Variants in GNG4 observed in about 807,000 individuals in gnomAD.
GNG4 encodes G protein subunit gamma 4.
A neutral mutation model predicts 5.8 loss-of-function variants in GNG4; 4 were observed. The ratio of observed to expected loss-of-function variants is 0.69; its 90% CI spans 0.34 to 1.57. The LOEUF (loss-of-function observed/expected upper bound fraction) is 1.57, where lower values mean the gene tolerates loss of function less well. Among genes scored for constraint, GNG4 ranks in the 40% most tolerant of loss-of-function variants. GNG4 has a pLI of 0.06. For synonymous variants in GNG4, 29 were observed against 32.9 expected, an observed-to-expected ratio of 0.88 and a Z score of 0.41; for missense variants, 96 against 95.1, an observed-to-expected ratio of 1.01 and a Z score of -0.04.
rs976356709 is a variant in GNG4 at position 235,582,458 on chromosome 1, G to A, written c.99+1282C>T. On this transcript the variant is annotated intron_variant, in intron 3 of 3. Transcript: ENST00000391854. ...CTGAGAAGTCTTCCCTGAGCCATAC[G>A]GAGGAGACTGTCGCCTTCACATTTC... 2.6e-5 allele frequency among the ~76,000 whole-genome samples: 4 copies of A among 152,288 alleles called. No individual in the cohort carries two copies. In the South Asian group the frequency reaches 6.2e-4, roughly 24 times the overall value.
intron 1 of GNG4, among the ~76,000 whole-genome samples, chr1:235,643,733 C>G (rs1657420290): frequency 6.6e-6 from 1 of 152,252 alleles, no homozygotes; most frequent in Middle Eastern, 3.4e-3. Flanking sequence ...CTAAAAACAC[C>G]AGGAAGATCA....
chr1:235,593,540 C>T lies in GNG4; in HGVS notation c.-11+1860G>A, dbSNP rs143432915. On this transcript the variant is annotated intron_variant, in intron 2 of 3. Transcript: ENST00000391854. The stretch of plus-strand genomic sequence containing the variant: ...CAGCTGGGTCCGGAATTGGTGGGTT[C>T]TTGGTCTCACCAACTTCAAGAATGA... Among the ~76,000 whole-genome samples, 38 of 152,338 alleles carry T rather than the reference C, an allele frequency of 2.5e-4. No individual in the cohort carries two copies. In the East Asian group the frequency reaches 6.9e-3, roughly 28 times the overall value.
intron 1 of GNG4, among the ~76,000 whole-genome samples, chr1:235,646,201 A>G (rs1350875208): frequency 6.6e-6 from 1 of 152,260 alleles, no homozygotes; most frequent in Non-Finnish European, 1.5e-5. Flanking sequence ...AAATCTAAGA[A>G]GCAAGAGAAA....
intron 3 of GNG4, among the ~76,000 whole-genome samples, chr1:235,558,769 T>C (rs1425088817): frequency 6.6e-6 from 1 of 152,234 alleles, no homozygotes; most frequent in Non-Finnish European, 1.5e-5. Flanking sequence ...TGAATTCGGC[T>C]TTCCCTCAAG....
At chr1:235,578,971 C>A (rs1343854187) in intron 3 of GNG4, among the ~76,000 whole-genome samples, 1 of 151,932 alleles carries the variant, frequency 6.6e-6, no homozygotes, top group Non-Finnish European at 1.5e-5. Context: ...GTGGTGCACA[C>A]TTGTAATCCC....
chr1:235,554,045 G>A (rs1206015709), intron 3 of GNG4, among the ~76,000 whole-genome samples: 1 of 152,232 alleles, frequency 6.6e-6, no homozygotes. Context: ...GTGAGGCTCA[G>A]GGGAAAACTG....
chr1:235,646,196 T>C (rs566719641), intron 1 of GNG4, among the ~76,000 whole-genome samples: 1 of 152,330 alleles, frequency 6.6e-6, no homozygotes, highest in Non-Finnish European at 1.5e-5. Context: ...TTTAGAAATC[T>C]AAGAAGCAAG....
chr1:235,570,919 T>TATATATATACAC (rs1553365401), intron 3 of GNG4, among the ~76,000 whole-genome samples: 2 of 121,448 alleles, frequency 1.6e-5, no homozygotes, highest in African/African-American at 3.5e-5. Flanking sequence ...TATACATATA[T>TATATATATACAC]ATATACACAC....
chr1:235,605,959 G>GC (rs900702381), intron 1 of GNG4, among the ~76,000 whole-genome samples: 6 of 133,406 alleles, frequency 4.5e-5, no homozygotes, highest in Admixed American at 2.2e-4. Context: ...AGAGTGTGGG[G>GC]GGGTGGGTCT....
At chr1:235,565,236 C>T (rs1358677532) in intron 3 of GNG4, among the ~76,000 whole-genome samples, 2 of 152,070 alleles carry the variant, frequency 1.3e-5, no homozygotes, top group Non-Finnish European at 2.9e-5. Context: ...AGCGCAGTGG[C>T]ATGCCTGTAA....
chr1:235,612,398 G>A (rs1217886133), intron 1 of GNG4, among the ~76,000 whole-genome samples: 4 of 152,132 alleles, frequency 2.6e-5, no homozygotes, highest in South Asian at 4.1e-4. Flanking sequence ...GCAAACAGAC[G>A]GGGCCTTCAC....
intron 3 of GNG4, among the ~76,000 whole-genome samples, chr1:235,570,833 C>G (rs941553903): frequency 1.4e-4 from 21 of 149,644 alleles, no homozygotes; most frequent in African/African-American, 4.7e-4. Context: ...TAGGTACATG[C>G]TACCATATCC....
intron 1 of GNG4, among the ~76,000 whole-genome samples, chr1:235,619,196 C>CAT (rs71174449): frequency 7.5e-6 from 1 of 133,438 alleles, no homozygotes; most frequent in Non-Finnish European, 1.6e-5. Context: ...TATATATACA[C>CAT]ACACACATAT....
intron 3 of GNG4, among the ~76,000 whole-genome samples, chr1:235,570,965 T>C (rs1687328014): frequency 7.6e-5 from 1 of 13,202 alleles, no homozygotes; most frequent in African/African-American, 2.2e-3. Context: ...TACATACCTT[T>C]TTTTTTTTTT....
At chr1:235,650,118 C>G (rs1371840360), upstream of GNG4, 4 of 149,970 alleles carry the variant, frequency 2.7e-5, no homozygotes, top group Non-Finnish European at 6.0e-5. Flanking sequence ...CGCCCCAGCC[C>G]GGGCCCGCGC....
At chr1:235,570,955 T>TAC (rs1482928146) in intron 3 of GNG4, among the ~76,000 whole-genome samples, 16 of 119,998 alleles carry the variant, frequency 1.3e-4, no homozygotes, top group African/African-American at 3.6e-4. Flanking sequence ...CATATATATA[T>TAC]ACATACCTTT....
At chr1:235,570,227 TTTC>T (rs927196599) in intron 3 of GNG4, among the ~76,000 whole-genome samples, 4 of 152,078 alleles carry the variant, frequency 2.6e-5, no homozygotes, top group South Asian at 2.1e-4. Context: ...ACTCCATCTG[TTTC>T]TTTTGTTTCC....
At chr1:235,619,192 T>TATAC (rs10676806) in intron 1 of GNG4, among the ~76,000 whole-genome samples, 20,049 of 129,574 alleles carry the variant, frequency 0.15, 2,789 homozygotes, top group East Asian at 0.58. Flanking sequence ...CACATATATA[T>TATAC]ACACACACAC....
At chr1:235,591,504 A>G (rs569128366) in intron 2 of GNG4, among the ~76,000 whole-genome samples, 1 of 152,324 alleles carries the variant, frequency 6.6e-6, no homozygotes, top group East Asian at 1.9e-4. Flanking sequence ...CTACCTGGCC[A>G]GGTACCCTTT....
Sources: gnomAD v4.1 joint callset for allele counts (sites outside exome capture counted in the v4.1 genomes callset) on GRCh38, gnomAD v4.1.1 for gene constraint, MANE v1.5 for transcripts, NCBI Gene and HGNC (gene_info 2026-07-23, HGNC 2026-07-21) for gene names.